The following ZNF813 variants were observed in gnomAD, a reference collection of about 807,000 sequenced individuals.
ZNF813 encodes zinc finger protein 813.
ZNF813 carries 3 observed loss-of-function variants against 7.2 expected under a neutral mutation model. That is an observed-to-expected ratio of 0.42 (90% CI 0.19 to 1.08). The LOEUF (loss-of-function observed/expected upper bound fraction) is 1.08, where lower values mean the gene tolerates loss of function less well. Among genes scored for constraint, ZNF813 ranks in the 50% least tolerant of loss-of-function variants. The pLI is 0.30. For missense variants in ZNF813, 714 were observed against 753.3 expected (o/e 0.95, Z 0.61); for synonymous variants, 227 against 256.3 (o/e 0.89, Z 1.09).
intron 1 of ZNF813, among the ~76,000 whole-genome samples, chr19:53,482,132 G>A (rs2086411293): frequency 6.6e-6 from 1 of 152,156 alleles, no homozygotes; most frequent in South Asian, 2.1e-4. Context: ...CTTTTCTCAT[G>A]GGAGAGGGGA....
rs756536352 is a variant in ZNF813, at chr19:53,493,060, A to C, written c.*974A>C. 1.5e-5 allele frequency: 6 copies of C among 393,562 alleles called. No homozygotes were observed. The highest frequency in any genetic ancestry group is 3.0e-5 in the Non-Finnish European group (6 of 198,026). 24.4% of individuals were successfully genotyped at this position (393,562 alleles called of 1,614,324 possible). A position where few individuals can be genotyped will look rare whatever the true frequency, so the allele number is the denominator to read the frequency against. On this transcript the variant is annotated 3_prime_UTR_variant, in exon 4 of 4. Coordinates refer to ENST00000396403, the MANE Select transcript of ZNF813 (RefSeq NM_001004301.4). ...TTGTTCCAAATGCAATGAGTAGAGC[A>C]AACCATCAAGCAGTAATTGACATTA...
intron 1 of ZNF813, among the ~76,000 whole-genome samples, chr19:53,475,811 GT>G (rs1240672969): frequency 3.9e-5 from 6 of 152,184 alleles, no homozygotes; most frequent in Non-Finnish European, 7.3e-5. Flanking sequence ...TATAGTCATT[GT>G]TTTTTTGTTC....
chr19:53,486,987 T>TATTTA (rs1555844165), intron 3 of ZNF813, among the ~76,000 whole-genome samples: 9 of 149,138 alleles, frequency 6.0e-5, no homozygotes, highest in African/African-American at 1.5e-4. Context: ...TTTAGTTTTT[T>TATTTA]TTTTTTTTTT....
chr19:53,470,449 A>C (rs2617707), intron 1 of ZNF813, among the ~76,000 whole-genome samples: 35,903 of 127,346 alleles, frequency 0.28, 5,709 homozygotes, highest in African/African-American at 0.34. Flanking sequence ...TTACTTGATT[A>C]TTCATGAAAA....
intron 3 of ZNF813, among the ~76,000 whole-genome samples, chr19:53,487,395 T>C (rs1225088840): frequency 6.6e-6 from 1 of 152,138 alleles, no homozygotes; most frequent in East Asian, 1.9e-4. Context: ...TTGACTCCCT[T>C]CTTATTTACT....
intron 2 of ZNF813, among the ~76,000 whole-genome samples, chr19:53,485,478 A>G (rs2086427698): frequency 6.6e-6 from 1 of 152,140 alleles, no homozygotes; most frequent in Non-Finnish European, 1.5e-5. Flanking sequence ...AATCTGGGGA[A>G]AATGACAACC....
chr19:53,478,952 T>TC (rs1568829093), intron 1 of ZNF813, among the ~76,000 whole-genome samples: 1 of 151,938 alleles, frequency 6.6e-6, no homozygotes, highest in African/African-American at 2.4e-5. Context: ...TTTGTGTTTT[T>TC]TTGGCAGAAT....
Position 53,492,462 on chromosome 19 carries a change from T to C in ZNF813, c.*376T>C. 1 of 420,872 alleles carries C rather than the reference T, an allele frequency of 2.4e-6. No individual in the cohort carries two copies. The highest frequency in any genetic ancestry group is 4.6e-6 in the Non-Finnish European group (1 of 215,850). The allele number at this position is 420,872 out of a possible 1,614,324, so 26.1% of individuals were successfully genotyped here. A position where few individuals can be genotyped will look rare whatever the true frequency, so the allele number is the denominator to read the frequency against. ...ATCATACTGCAGAGAAACCATAAAA[T>C]TGTAAGAGTTCGTGACAAGGCTTTC... On this transcript the variant is annotated 3_prime_UTR_variant, in exon 4 of 4. Transcript: ENST00000396403.
At chr19:53,488,266 A>C in intron 3 of ZNF813, 1 of 455,522 alleles carries the variant, frequency 2.2e-6, no homozygotes, top group South Asian at 1.6e-5. Flanking sequence ...CAGGTGATCC[A>C]TCAACCTCAG....
Position 53,491,466 on chromosome 19 carries a change from A to T in ZNF813, c.1234A>T (p.Lys412Ter). Residue 412 changes from lysine (K) to a stop codon, truncating the protein, a stop_gained, in exon 4 of 4, where the codon AAG becomes TAG. Transcript: ENST00000396403. LOFTEE classifies it low-confidence loss of function (END_TRUNC). The stretch of plus-strand genomic sequence containing the variant: ...ACTTCATACCGGAGAGAAGCCTTAC[A>T]AGTGTAATGAATGTGGCAAGGTTTT... ...RRLHTGEKPY[K>*]CNECGKVFNK... 6.2e-7 allele frequency: 1 copy of T among 1,614,168 alleles called. No homozygotes were observed. Among genetic ancestry groups the T allele is most frequent in the African/African-American group, 1.3e-5 (1 of 75,074 alleles).
At chr19:53,468,556 G>C (rs2147151942) in intron 1 of ZNF813, among the ~76,000 whole-genome samples, 1 of 152,274 alleles carries the variant, frequency 6.6e-6, no homozygotes, top group African/African-American at 2.4e-5. Context: ...GTGTAGCAGG[G>C]CAACAGGTGG....
intron 1 of ZNF813, chr19:53,479,604 G>C (rs2086397793): frequency 2.5e-6 from 3 of 1,209,234 alleles, no homozygotes; most frequent in African/African-American, 1.5e-5. Flanking sequence ...CTGCTGATGA[G>C]AGTGAGAGAG....
In ZNF813 at chr19:53,479,317, A is replaced by G; in HGVS notation, c.-73-4433A>G. ...TGCAATGCCGAATGGAGGAGGCAGGAACCGGAGTGTGAGCAGTAGCTGGGT... is the reference window on the plus strand; with the variant it reads ...TGCAATGCCGAATGGAGGAGGCAGGGACCGGAGTGTGAGCAGTAGCTGGGT... On this transcript the variant is annotated intron_variant, in intron 1 of 3. Transcript: ENST00000396403. 8 of 1,585,600 alleles carry G rather than the reference A, an allele frequency of 5.0e-6. No homozygotes were observed. In the South Asian group the frequency reaches 8.9e-5, roughly 18 times the overall value.
At chr19:53,469,741 A>C (rs1408822307) in intron 1 of ZNF813, among the ~76,000 whole-genome samples, 19 of 150,050 alleles carry the variant, frequency 1.3e-4, no homozygotes, top group African/African-American at 4.6e-4. Flanking sequence ...GGTGGCAAGA[A>C]CAGAGGGAGA....
At chr19:53,482,583 T>C (rs982824359) in intron 1 of ZNF813, among the ~76,000 whole-genome samples, 8 of 152,148 alleles carry the variant, frequency 5.3e-5, no homozygotes, top group Admixed American at 6.6e-5. Flanking sequence ...TTTCTCCTCC[T>C]TCAGGTCTAG....
chr19:53,491,843 C>T lies in ZNF813; in HGVS notation c.1611C>T (p.His537=), dbSNP rs1372073294. ...ECGKVFNRKT[H]LAHHHRLHTG... Reference sequence around the variant, plus strand: ...GCAAGGTTTTTAATCGAAAAACACACCTTGCACATCATCATAGACTTCATA... The same window carrying T: ...GCAAGGTTTTTAATCGAAAAACACATCTTGCACATCATCATAGACTTCATA... The change falls in exon 4 of 4, where the codon CAC becomes CAT. Residue 537 remains histidine, a synonymous_variant. Coordinates refer to ENST00000396403, the MANE Select transcript of ZNF813 (RefSeq NM_001004301.4). 1.9e-6 allele frequency: 3 copies of T among 1,613,794 alleles called. No individual in the cohort carries two copies. Among genetic ancestry groups the T allele is most frequent in the East Asian group, 4.5e-5 (2 of 44,860 alleles).
At position 53,495,992 on chromosome 19, in the gene ZNF813, C is replaced by T. The variant is rs571024414; in HGVS notation, c.*3906C>T. 2.1e-5 allele frequency: 8 copies of T among 378,000 alleles called. No homozygotes were observed. Among genetic ancestry groups the T allele is most frequent in the African/African-American group, 8.4e-5 (4 of 47,794 alleles). The allele number at this position is 378,000 out of a possible 1,614,324, so 23.4% of individuals were successfully genotyped here. On this transcript the variant is annotated 3_prime_UTR_variant, in exon 4 of 4. Transcript: ENST00000396403. Reference sequence around the variant, plus strand: ...TCAAAACTGGTAATAAAATCAGGTACGACTCCAAAAGGAGACATTGGAGAA... The same window carrying T: ...TCAAAACTGGTAATAAAATCAGGTATGACTCCAAAAGGAGACATTGGAGAA...
intron 1 of ZNF813, among the ~76,000 whole-genome samples, chr19:53,473,919 G>T (rs11669491): frequency 0.23 from 34,773 of 152,056 alleles, 4,085 homozygotes; most frequent in East Asian, 0.27. Flanking sequence ...CTTATCTCAG[G>T]TGAGTTTCTT....
chr19:53,473,170 A>G (rs2086367553), intron 1 of ZNF813, among the ~76,000 whole-genome samples: 1 of 152,198 alleles, frequency 6.6e-6, no homozygotes, highest in Non-Finnish European at 1.5e-5. Context: ...ATAATAAAAC[A>G]GTTAGTATTA....
Sources: allele counts gnomAD v4.1 joint callset (sites outside exome capture counted in the v4.1 genomes callset), GRCh38; gene constraint gnomAD v4.1.1; transcripts MANE v1.5; gene names NCBI Gene and HGNC (gene_info 2026-07-23, HGNC 2026-07-21).